Variants in GRIK4 observed in about 807,000 individuals in gnomAD.
The protein encoded by GRIK4 is glutamate receptor ionotropic, kainate 4.
GRIK4 carries 40 observed loss-of-function variants against 104.9 expected under a neutral mutation model. That is an observed-to-expected ratio of 0.38 (90% CI 0.30 to 0.50). The LOEUF (loss-of-function observed/expected upper bound fraction) is 0.50, where lower values mean the gene tolerates loss of function less well. Among genes scored for constraint, GRIK4 ranks in the 20% least tolerant of loss-of-function variants. The pLI is 0.93. For synonymous variants in GRIK4, 485 were observed against 524.9 expected (o/e 0.92, Z 1.04); for missense variants, 1,047 against 1,308.1 (o/e 0.80, Z 3.08).
chr11:120,710,813 AT>A (rs1408349958), intron 3 of GRIK4, among the ~76,000 whole-genome samples: 1 of 152,156 alleles, frequency 6.6e-6, no homozygotes, highest in Non-Finnish European at 1.5e-5. Context: ...AATGTTAATG[AT>A]TTGTATTATT....
chr11:120,540,470 C>T (rs147143206), intron 1 of GRIK4, among the ~76,000 whole-genome samples: 10 of 152,026 alleles, frequency 6.6e-5, no homozygotes, highest in Admixed American at 3.9e-4. Context: ...CAAAATTAGC[C>T]GGGCATGGTG....
chr11:120,536,994 G>T (rs1947984504), intron 1 of GRIK4, among the ~76,000 whole-genome samples: 1 of 152,148 alleles, frequency 6.6e-6, no homozygotes, highest in East Asian at 1.9e-4. Flanking sequence ...ATGTGCTCTG[G>T]GTGCACTGTG....
chr11:120,626,240 G>T (rs1247570594), intron 1 of GRIK4, among the ~76,000 whole-genome samples: 2 of 152,238 alleles, frequency 1.3e-5, no homozygotes, highest in Non-Finnish European at 2.9e-5. Flanking sequence ...GGGGGCTTCA[G>T]TGGGCCCTGC....
intron 3 of GRIK4, among the ~76,000 whole-genome samples, chr11:120,772,979 A>G (rs949492806): frequency 6.6e-6 from 1 of 152,214 alleles, no homozygotes. Flanking sequence ...AATTCAGTGC[A>G]TATTTGTTGA....
chr11:120,668,089 GGATAGATAGATGGATA>G (rs1949947230), intron 3 of GRIK4, among the ~76,000 whole-genome samples: 1 of 144,486 alleles, frequency 6.9e-6, no homozygotes, highest in South Asian at 2.3e-4. Flanking sequence ...TCTCATAGAT[GGATAGATAGATGGATA>G]GATAGATAGA....
At chr11:120,879,176 G>A (rs998670141) in intron 11 of GRIK4, among the ~76,000 whole-genome samples, 6 of 152,282 alleles carry the variant, frequency 3.9e-5, no homozygotes, top group South Asian at 2.1e-4. Flanking sequence ...GGCAAAGCCC[G>A]TGCTCTCGGA....
At chr11:120,667,312 C>T (rs1288919432) in intron 3 of GRIK4, among the ~76,000 whole-genome samples, 2 of 152,262 alleles carry the variant, frequency 1.3e-5, no homozygotes, top group Non-Finnish European at 2.9e-5. Flanking sequence ...GACATAAGAA[C>T]CCTGCTAATT....
intron 14 of GRIK4, among the ~76,000 whole-genome samples, chr11:120,941,520 C>T (rs1943724118): frequency 1.3e-5 from 2 of 152,170 alleles, no homozygotes; most frequent in Admixed American, 1.3e-4. Flanking sequence ...TGTTGAATTT[C>T]TAACCTCTAG....
At chr11:120,890,275 G>T (rs1955247712) in intron 11 of GRIK4, among the ~76,000 whole-genome samples, 1 of 152,146 alleles carries the variant, frequency 6.6e-6, no homozygotes, top group Non-Finnish European at 1.5e-5. Flanking sequence ...GAGGTTAAAT[G>T]CCTTACCCCA....
intron 1 of GRIK4, among the ~76,000 whole-genome samples, chr11:120,527,952 G>A (rs1397217625): frequency 6.6e-6 from 1 of 152,164 alleles, no homozygotes; most frequent in East Asian, 1.9e-4. Flanking sequence ...AATAGAGTGA[G>A]CTCATCAACA....
intron 1 of GRIK4, among the ~76,000 whole-genome samples, chr11:120,576,086 T>C (rs1050440039): frequency 1.3e-5 from 2 of 152,190 alleles, no homozygotes; most frequent in African/African-American, 4.8e-5. Context: ...ACTGGGCTCC[T>C]GGGTAAATTT....
chr11:120,521,047 C>T (rs1270009564), intron 1 of GRIK4, among the ~76,000 whole-genome samples: 1 of 152,118 alleles, frequency 6.6e-6, no homozygotes, highest in African/African-American at 2.4e-5. Flanking sequence ...TGCCCTTATG[C>T]TGAAGTTGCA....
rs150143201 is a variant in GRIK4 at position 120,924,448 on chromosome 11, T to A, written c.1477-15899T>A. On this transcript the variant is annotated intron_variant, in intron 13 of 20. Coordinates refer to ENST00000527524, the MANE Select transcript of GRIK4 (RefSeq NM_014619.5). ...AAAAAAATATATATTGAAATAGACA[T>A]ATAGAAAAGTGCACAAATCGTAAGT... Among the ~76,000 whole-genome samples, 686 of 152,072 alleles carry A rather than the reference T, an allele frequency of 4.5e-3. 6 individuals are homozygous for A. The highest frequency in any genetic ancestry group is 7.5e-3 in the Non-Finnish European group (511 of 67,978).
At chr11:120,832,443 C>T (rs775715645) in intron 7 of GRIK4, among the ~76,000 whole-genome samples, 5 of 152,180 alleles carry the variant, frequency 3.3e-5, no homozygotes, top group Admixed American at 2.0e-4. Context: ...CTGCTGAATG[C>T]CAGCTCTGTC....
intron 6 of GRIK4, among the ~76,000 whole-genome samples, chr11:120,831,138 T>C (rs1044715149): frequency 6.6e-6 from 1 of 152,164 alleles, no homozygotes; most frequent in Non-Finnish European, 1.5e-5. Context: ...GTTCAAAGCC[T>C]GTTCCCTTAT....
chr11:120,953,005 C>A lies in GRIK4; in HGVS notation c.1700+41C>A. ...CTTCCCTGTCCTTACACCGCCACCTCGTGTCCACCTCTGGGAACTGCATGG... is the reference window on the plus strand; with the variant it reads ...CTTCCCTGTCCTTACACCGCCACCTAGTGTCCACCTCTGGGAACTGCATGG... On this transcript the variant is annotated intron_variant, in intron 15 of 20. Transcript: ENST00000527524. The surrounding 1 kb of genome is among the most constrained non-coding windows in gnomAD (Gnocchi z 4.9). 1 of 1,084,602 alleles carries A rather than the reference C, an allele frequency of 9.2e-7. No individual in the cohort carries two copies. Among genetic ancestry groups the A allele is most frequent in the Non-Finnish European group, 1.4e-6 (1 of 732,532 alleles). 67.2% of individuals were successfully genotyped at this position (1,084,602 alleles called of 1,614,324 possible).
chr11:120,874,415 A>G (rs1360133449), intron 10 of GRIK4, among the ~76,000 whole-genome samples, 197 bp downstream of exon 10: 1 of 152,202 alleles, frequency 6.6e-6, no homozygotes, highest in Non-Finnish European at 1.5e-5. Flanking sequence ...CCCAATAACC[A>G]CTGAGAATTC....
At chr11:120,832,755 G>A (rs73003745) in intron 7 of GRIK4, among the ~76,000 whole-genome samples, 7,704 of 152,292 alleles carry the variant, frequency 0.051, 218 homozygotes, top group Middle Eastern at 0.085. Flanking sequence ...CTGTGAGTGA[G>A]GCTGATCCAA....
At position 120,851,938 on chromosome 11, in the gene GRIK4, G is replaced by C. The variant is rs577205626; in HGVS notation, c.745-10021G>C. Among the ~76,000 whole-genome samples, 12 of 152,314 alleles carry C rather than the reference G, an allele frequency of 7.9e-5. No individual in the cohort carries two copies. The South Asian group carries it at 2.5e-3, about 32-fold the overall frequency. ...AGCTGGGGGTGCCTGGGATCTCTACGTGCCTGAGGCTAATGTGTTGGGACC... is the reference window on the plus strand; with the variant it reads ...AGCTGGGGGTGCCTGGGATCTCTACCTGCCTGAGGCTAATGTGTTGGGACC... On this transcript the variant is annotated intron_variant, in intron 8 of 20. Coordinates refer to ENST00000527524, the MANE Select transcript of GRIK4 (RefSeq NM_014619.5).
Sources: gnomAD v4.1 joint callset for allele counts (sites outside exome capture counted in the v4.1 genomes callset) on GRCh38, gnomAD v4.1.1 for gene constraint, Gnocchi (gnomAD v3.1) non-coding constraint, MANE v1.5 for transcripts, NCBI Gene and HGNC (gene_info 2026-07-23, HGNC 2026-07-21) for gene names.